The following MTMR10 variants were observed in gnomAD, a reference collection of about 807,000 sequenced individuals.
MTMR10 encodes myotubularin related protein 10.
A neutral mutation model predicts 88.1 loss-of-function variants in MTMR10; 56 were observed. That is an observed-to-expected ratio of 0.64 (90% CI 0.51 to 0.79). The LOEUF is 0.79. Among genes scored for constraint, MTMR10 ranks in the 30% least tolerant of loss-of-function variants. The pLI is 0.00. For missense variants in MTMR10, 883 were observed against 924.7 expected (o/e 0.95, Z 0.58); for synonymous variants, 380 against 340.9 (o/e 1.11, Z -1.26).
the MTMR10 span, among the ~76,000 whole-genome samples, chr15:30,932,720 T>TTC: frequency 2.7e-5 from 4 of 149,088 alleles, no homozygotes; most frequent in East Asian, 1.9e-4. Flanking sequence ...TCTTTTCTTT[T>TTC]TTTTTTTTTT....
At chr15:30,926,435 AAC>A in the MTMR10 span, 1 of 199,206 alleles carries the variant, frequency 5.0e-6, no homozygotes, top group Non-Finnish European at 9.0e-6. Flanking sequence ...CAGTGTTAAA[AAC>A]ACTGATATTT....
intron 14 of MTMR10, chr15:30,943,671 C>T (rs2063121342): frequency 1.7e-5 from 17 of 985,324 alleles, no homozygotes; most frequent in Non-Finnish European, 2.0e-5. Flanking sequence ...CCCTCCTTCA[C>T]AGGAGTCCAC....
At chr15:30,973,686 T>G (rs893776803) in intron 5 of MTMR10, among the ~76,000 whole-genome samples, 8 of 152,090 alleles carry the variant, frequency 5.3e-5, no homozygotes, top group African/African-American at 1.9e-4. Flanking sequence ...GGGGCCATAT[T>G]AGGTCTACCA....
intron 6 of MTMR10, among the ~76,000 whole-genome samples, chr15:30,963,017 G>A (rs76467407): frequency 0.021 from 3,135 of 152,300 alleles, 111 homozygotes; most frequent in African/African-American, 0.068. Context: ...GGATTCAACA[G>A]GTGGTGGAAG....
At chr15:30,970,942 T>C (rs1438559315) in intron 5 of MTMR10, among the ~76,000 whole-genome samples, 1 of 152,140 alleles carries the variant, frequency 6.6e-6, no homozygotes, top group Admixed American at 6.6e-5. Context: ...TGTTTTTCAG[T>C]AGTGAATTTC....
chr15:30,963,357 G>A (rs1368357285), intron 6 of MTMR10, among the ~76,000 whole-genome samples: 4 of 152,098 alleles, frequency 2.6e-5, no homozygotes, highest in African/African-American at 4.8e-5. Flanking sequence ...GTTGCTGGGC[G>A]CGGTGGCTCA....
chr15:30,954,447 C>T (rs2063293486), intron 10 of MTMR10, among the ~76,000 whole-genome samples: 2 of 152,186 alleles, frequency 1.3e-5, no homozygotes, highest in Non-Finnish European at 2.9e-5. Flanking sequence ...GTATTACAAT[C>T]TTAATAAGTT....
intron 9 of MTMR10, among the ~76,000 whole-genome samples, chr15:30,957,715 GAAAC>G (rs1251092081): frequency 6.6e-6 from 1 of 152,036 alleles, no homozygotes; most frequent in Non-Finnish European, 1.5e-5. Flanking sequence ...CAAAAAAAAA[GAAAC>G]AAGGAGTGCC....
intron 9 of MTMR10, among the ~76,000 whole-genome samples, chr15:30,955,985 A>C (rs2141014875): frequency 7.7e-6 from 1 of 129,466 alleles, no homozygotes; most frequent in Middle Eastern, 3.7e-3. Context: ...AAAAAACAAA[A>C]CAAAACCCTG....
chr15:30,969,240 T>G (rs1184070327), intron 5 of MTMR10, among the ~76,000 whole-genome samples: 2 of 152,044 alleles, frequency 1.3e-5, no homozygotes, highest in African/African-American at 4.8e-5. Flanking sequence ...GGGGACAGAA[T>G]TTGTCATTAG....
rs766622723 is a variant in MTMR10 at position 30,991,539 on chromosome 15, C to A, written c.-33G>T. On this transcript the variant is annotated 5_prime_UTR_variant, in exon 1 of 16. Transcript: ENST00000435680. ...CCGCCTTTTCGCCCCGTTCCCGTCG[C>A]GGGCCAGTGGCAGCGCCGACGCCTC... The A allele has an allele frequency of 6.5e-7, 1 of 1,534,572 alleles. No homozygotes were observed. The highest frequency in any genetic ancestry group is 2.3e-5 in the Admixed American group (1 of 43,444).
chr15:30,955,386 T>G (rs2063309116), intron 9 of MTMR10, among the ~76,000 whole-genome samples: 1 of 152,198 alleles, frequency 6.6e-6, no homozygotes, highest in South Asian at 2.1e-4. Context: ...TTCTCCTGCC[T>G]CACCCTCCCG....
intron 12 of MTMR10, among the ~76,000 whole-genome samples, chr15:30,950,843 G>A (rs1025705957): frequency 6.6e-6 from 1 of 152,110 alleles, no homozygotes; most frequent in African/African-American, 2.4e-5. Flanking sequence ...GTTAATATTT[G>A]CATATAACCT....
At chr15:30,929,231 G>GA in the MTMR10 span, 1 of 1,613,342 alleles carries the variant, frequency 6.2e-7, no homozygotes, top group Non-Finnish European at 8.5e-7. Context: ...TGCACAGACA[G>GA]CTTCTTCACA....
Position 30,947,239 on chromosome 15 carries a change from G to A in MTMR10, c.1439C>T (p.Ala480Val), listed in dbSNP as rs760259639. The change falls in exon 14 of 16, where the codon GCT becomes GTT. Residue 480 changes from alanine (A) to valine (V), a missense_variant. Ala to Val is a moderately conservative substitution (Grantham distance 64, BLOSUM62 0). Coordinates refer to ENST00000435680, the MANE Select transcript of MTMR10 (RefSeq NM_017762.3). ...TWQLLEQYPA[A>V]FEFSETYLAV... is the part of the protein sequence containing the mutation. The stretch of plus-strand genomic sequence containing the variant: ...CAGGTAGGTTTCGGAGAACTCAAAA[G>A]CTGCAGGATATTGTTCTAACAGCTG... The A allele has an allele frequency of 3.7e-6, 6 of 1,613,936 alleles. No homozygotes were observed. The Admixed American group carries it at 1.0e-4, about 27-fold the overall frequency.
At chr15:30,936,950 G>C (rs2062871784), downstream of MTMR10, among the ~76,000 whole-genome samples, 1 of 152,092 alleles carries the variant, frequency 6.6e-6, no homozygotes, top group Non-Finnish European at 1.5e-5. Flanking sequence ...AAAATCCTAA[G>C]GTGAACCATT....
At chr15:30,938,018 A>G (rs1004728702), downstream of MTMR10, among the ~76,000 whole-genome samples, 1 of 151,796 alleles carries the variant, frequency 6.6e-6, no homozygotes, top group Non-Finnish European at 1.5e-5. Context: ...ACCCATCTCT[A>G]CTAAAAATAC....
intron 3 of MTMR10, among the ~76,000 whole-genome samples, chr15:30,976,555 ACTTC>A (rs998034603): frequency 2.6e-5 from 4 of 152,236 alleles, no homozygotes; most frequent in Non-Finnish European, 5.9e-5. Context: ...AGAGGGAATA[ACTTC>A]CTTAATGAAA....
In MTMR10 at chr15:30,940,548, C is replaced by G. The variant is rs1234483552; in HGVS notation, c.*922G>C. On this transcript the variant is annotated 3_prime_UTR_variant, in exon 16 of 16. Transcript: ENST00000435680. ...TTACCACACTGGAAATACTGATGGC[C>G]AAGCCCAGCACGCCTCCCAGCAAGC... 5.1e-6 allele frequency: 5 copies of G among 985,390 alleles called. No individual in the cohort carries two copies. The highest frequency in any genetic ancestry group is 6.0e-6 in the Non-Finnish European group (5 of 830,068). 61.0% of individuals were successfully genotyped at this position (985,390 alleles called of 1,614,324 possible).
Sources: allele counts gnomAD v4.1 joint callset (sites outside exome capture counted in the v4.1 genomes callset), GRCh38; gene constraint gnomAD v4.1.1; transcripts MANE v1.5; gene names NCBI Gene and HGNC (gene_info 2026-07-23, HGNC 2026-07-21).